CFAP61: variants seen among roughly 807,000 people sequenced by gnomAD.
The protein encoded by CFAP61 is cilia- and flagella-associated protein 61.
Under a neutral mutation model 135.6 loss-of-function variants are expected in CFAP61, and 107 were observed. The observed-to-expected ratio is 0.79, with a 90% CI of 0.67 to 0.93. CFAP61 has a LOEUF of 0.93. Ranked by LOEUF, CFAP61 falls within the 40% of genes least tolerant of loss-of-function variation. The pLI is 0.00. For missense variants in CFAP61, 1,507 were observed against 1,556.2 expected (o/e 0.97, Z 0.53); for synonymous variants, 575 against 578.5 (o/e 0.99, Z 0.09).
chr20:20,359,341 C>CT lies in CFAP61; in HGVS notation c.3514-868dup, dbSNP rs1299714959. ...CCTTTCAAGTAAAAAGGTTTAATCA[C>CT]TCCTTTTTTTTATTTTTAAATTTTT... On this transcript the variant is annotated intron_variant, in intron 26 of 26. Transcript: ENST00000245957. This position sits in a 1 kb window ranked among gnomAD's most constrained non-coding sequence, Gnocchi z 4.0. Among the ~76,000 whole-genome samples the CT allele has an allele frequency of 7.1e-6, 1 of 140,164 alleles. No individual in the cohort carries two copies. The highest frequency in any genetic ancestry group is 1.6e-5 in the Non-Finnish European group (1 of 61,288). The allele number at this position is 140,164 out of a possible 152,430, so 92.0% of individuals were successfully genotyped here.
chr20:20,296,092 T>G lies in CFAP61; in HGVS notation c.3217-2089T>G, dbSNP rs1260410335. Among the ~76,000 whole-genome samples, 11 of 14,744 alleles carry G rather than the reference T, an allele frequency of 7.5e-4. 1 individual carries two copies. The highest frequency in any genetic ancestry group is 1.8e-3 in the East Asian group (1 of 560). 9.7% of individuals were successfully genotyped at this position (14,744 alleles called of 152,430 possible). A position where few individuals can be genotyped will look rare whatever the true frequency, so the allele number is the denominator to read the frequency against. ...TCCTTCCCTCCTTTTCTTCCTTCTT[T>G]CCTTCCTTCCTTCCCTCCCTCCTTC... On this transcript the variant is annotated intron_variant, in intron 24 of 26. Transcript: ENST00000245957.
At chr20:20,316,414 G>A (rs1406292184) in intron 25 of CFAP61, among the ~76,000 whole-genome samples, 1 of 151,780 alleles carries the variant, frequency 6.6e-6, no homozygotes, top group East Asian at 1.9e-4. Flanking sequence ...TGCTGAAGTT[G>A]CTTATCAGCT....
At chr20:20,225,507 A>G (rs2048681298) in intron 17 of CFAP61, 2 of 152,154 alleles carry the variant, frequency 1.3e-5, no homozygotes, top group Non-Finnish European at 2.9e-5. Context: ...TGTTACAGCT[A>G]TTGTGTGGGA....
intron 24 of CFAP61, among the ~76,000 whole-genome samples, chr20:20,297,462 A>C (rs546106509): frequency 6.6e-6 from 1 of 152,352 alleles, no homozygotes; most frequent in East Asian, 1.9e-4. Flanking sequence ...TGCCTGAGCC[A>C]GTGGGGAGCC....
At chr20:20,176,566 T>C (rs1014746225) in intron 13 of CFAP61, among the ~76,000 whole-genome samples, 2 of 152,174 alleles carry the variant, frequency 1.3e-5, no homozygotes, top group African/African-American at 4.8e-5. Flanking sequence ...GGGACATGGA[T>C]GGAGCTGGAA....
chr20:20,288,584 A>G lies in CFAP61; in HGVS notation c.2797-25A>G, dbSNP rs753307474. The stretch of plus-strand genomic sequence containing the variant: ...GTAAAATGAAGAGTGATAACTGAAT[A>G]TTGCTGTAATTGTTCACTTCGTAGA... On this transcript the variant is annotated intron_variant, in intron 22 of 26. Transcript: ENST00000245957. The G allele has an allele frequency of 3.8e-6, 6 of 1,570,008 alleles. No homozygotes were observed. In the South Asian group the frequency reaches 6.7e-5, roughly 18 times the overall value.
intron 2 of CFAP61, among the ~76,000 whole-genome samples, chr20:20,065,839 G>T (rs1457748829): frequency 6.6e-6 from 1 of 152,160 alleles, no homozygotes; most frequent in African/African-American, 2.4e-5. Flanking sequence ...ACAGAACTGT[G>T]CCCAGGCTGC....
chr20:20,132,429 G>C (rs1398115239), intron 8 of CFAP61, among the ~76,000 whole-genome samples: 3 of 151,882 alleles, frequency 2.0e-5, no homozygotes, highest in Non-Finnish European at 4.4e-5. Flanking sequence ...TTCCAACTTT[G>C]TTAAGCATAT....
intron 8 of CFAP61, among the ~76,000 whole-genome samples, chr20:20,140,175 TA>T (rs202030189): frequency 0.018 from 2,663 of 149,970 alleles, 50 homozygotes; most frequent in Middle Eastern, 0.11. Context: ...TTGCATTTTT[TA>T]AAAAATTTTT....
chr20:20,078,219 A>G (rs1367347701), intron 6 of CFAP61, among the ~76,000 whole-genome samples: 2 of 152,308 alleles, frequency 1.3e-5, no homozygotes, highest in African/African-American at 2.4e-5. Flanking sequence ...CGACCACCCA[A>G]TCCCATCATG....
At chr20:20,258,817 T>C (rs2051892757) in intron 20 of CFAP61, among the ~76,000 whole-genome samples, 1 of 152,190 alleles carries the variant, frequency 6.6e-6, no homozygotes, top group African/African-American at 2.4e-5. Flanking sequence ...GATGGAACTC[T>C]CACCATACAC....
intron 21 of CFAP61, chr20:20,265,718 G>C (rs1355382678): frequency 2.0e-6 from 1 of 493,212 alleles, no homozygotes; most frequent in Admixed American, 3.5e-5. Context: ...AGCTCTGGGA[G>C]CCTTCAGGGA....
intron 26 of CFAP61, among the ~76,000 whole-genome samples, chr20:20,353,233 T>C (rs2058912167): frequency 6.6e-6 from 1 of 152,196 alleles, no homozygotes; most frequent in Admixed American, 6.5e-5. Flanking sequence ...TTTCACCAGG[T>C]ACACTGGAGT....
At chr20:20,164,447 C>T (rs1484812521) in intron 11 of CFAP61, among the ~76,000 whole-genome samples, 1 of 152,184 alleles carries the variant, frequency 6.6e-6, no homozygotes, top group Non-Finnish European at 1.5e-5. Context: ...TCTGGCCTAC[C>T]TATGTAACAA....
chr20:20,207,636 T>C (rs1303553181), intron 17 of CFAP61, among the ~76,000 whole-genome samples: 1 of 152,228 alleles, frequency 6.6e-6, no homozygotes, highest in Non-Finnish European at 1.5e-5. Flanking sequence ...TTAAAGTAGC[T>C]GGGGATATAA....
At chr20:20,233,138 C>A (rs910193433) in intron 18 of CFAP61, among the ~76,000 whole-genome samples, 1 of 152,198 alleles carries the variant, frequency 6.6e-6, no homozygotes, top group African/African-American at 2.4e-5. Flanking sequence ...CGTGCAGTTC[C>A]GCACAATATC....
chr20:20,149,795 GA>G (rs1231967503), intron 9 of CFAP61, among the ~76,000 whole-genome samples: 1 of 152,198 alleles, frequency 6.6e-6, no homozygotes, highest in Non-Finnish European at 1.5e-5. Context: ...CAGGGTGAAA[GA>G]AACTTCCAAC....
chr20:20,170,948 C>T (rs1709690392), intron 13 of CFAP61, among the ~76,000 whole-genome samples: 1 of 152,162 alleles, frequency 6.6e-6, no homozygotes, highest in South Asian at 2.1e-4. Flanking sequence ...TTCCATGTGT[C>T]AACACTCACA....
chr20:20,296,417 T>TCCC, intron 24 of CFAP61, among the ~76,000 whole-genome samples: 1 of 137,532 alleles, frequency 7.3e-6, no homozygotes, highest in Non-Finnish European at 1.6e-5. Context: ...TTTCTTTCTT[T>TCCC]TCTTTCTTCC....
Sources: allele counts gnomAD v4.1 joint callset (sites outside exome capture counted in the v4.1 genomes callset), GRCh38; gene constraint gnomAD v4.1.1; non-coding constraint Gnocchi (gnomAD v3.1); transcripts MANE v1.5; gene names NCBI Gene and HGNC (gene_info 2026-07-23, HGNC 2026-07-21).